Variants in NARS1 observed in about 807,000 individuals in gnomAD.
NARS1 encodes asparaginyl-tRNA synthetase 1, also known as asparagine--tRNA ligase, cytoplasmic.
NARS1 carries 65 observed loss-of-function variants against 79.2 expected under a neutral mutation model. The ratio of observed to expected loss-of-function variants is 0.82; its 90% confidence interval spans 0.67 to 1.01. NARS1 has a LOEUF of 1.01. Among genes scored for constraint, NARS1 ranks in the 50% least tolerant of loss-of-function variants. The probability of loss-of-function intolerance (pLI) is 0.00; values close to 1 mark genes in which losing one functional copy is unlikely to be tolerated. For missense variants in NARS1, 649 were observed against 673.8 expected (o/e 0.96, Z 0.41); for synonymous variants, 229 against 238.8 (o/e 0.96, Z 0.38).
intron 7 of NARS1, among the ~76,000 whole-genome samples, chr18:57,608,252 C>A (rs922552260): frequency 6.6e-6 from 1 of 151,700 alleles, no homozygotes; most frequent in African/African-American, 2.4e-5. Context: ...AAATCAAGAC[C>A]ATCCTGGCCA....
chr18:57,608,889 G>C (rs1311430490), intron 7 of NARS1, among the ~76,000 whole-genome samples: 2 of 152,184 alleles, frequency 1.3e-5, no homozygotes, highest in Non-Finnish European at 2.9e-5. Flanking sequence ...CTACCAGCCT[G>C]GCTAGAAAAA....
chr18:57,615,227 G>A (rs1318064896), intron 4 of NARS1, among the ~76,000 whole-genome samples: 1 of 151,632 alleles, frequency 6.6e-6, no homozygotes, highest in Non-Finnish European at 1.5e-5. Context: ...AGTAGGCCGG[G>A]CGCAGTGGCT....
rs376299423 is a variant in NARS1, at chr18:57,615,874, G to A, written c.195C>T (p.Asn65=). 1.9e-6 allele frequency: 3 copies of A among 1,613,344 alleles called. No homozygotes were observed. The highest frequency in any genetic ancestry group is 2.5e-6 in the Non-Finnish European group (3 of 1,179,748). ...WNVISKSQLK[N]IKKMWHREQM... is the part of the protein sequence containing the mutation. ...GTTCCCTATGCCACATCTTTTTAAT[G>A]TTCTTCAACTGTGATTTAGAAATAA... Residue 65 remains asparagine, a synonymous_variant, in exon 3 of 14, where the codon AAC becomes AAT. Coordinates refer to ENST00000256854, the MANE Select transcript of NARS1 (RefSeq NM_004539.4).
intron 6 of NARS1, 61 bp from the exon 7 acceptor site, chr18:57,609,504 A>G: frequency 7.5e-7 from 1 of 1,336,492 alleles, no homozygotes; most frequent in African/African-American, 1.4e-5. Context: ...TCTACCATAT[A>G]GAAAGTTAAA....
At chr18:57,602,733 A>G in intron 12 of NARS1, 79 bp downstream of exon 12, 1 of 1,492,348 alleles carries the variant, frequency 6.7e-7, no homozygotes, top group African/African-American at 1.4e-5. Context: ...ATTTGGCATG[A>G]GCTGTACCTG....
At chr18:57,620,898 T>C (rs747998245) in intron 1 of NARS1, among the ~76,000 whole-genome samples, 16 of 152,246 alleles carry the variant, frequency 1.1e-4, no homozygotes, top group African/African-American at 2.9e-4. Flanking sequence ...ATTTATTCTA[T>C]CTAATTGGGC....
In NARS1 at chr18:57,615,833, G is replaced by A; in HGVS notation, c.236C>T (p.Ser79Phe). ...AGGACTCACCTCTTTCTTTTCCCGG[G>A]ATTCACTCTTCATTTGTTCCCTATG... ...MWHREQMKSE[S>F]REKKEAEDSL... The change falls in exon 3 of 14, where the codon TCC becomes TTC. Residue 79 changes from serine (S) to phenylalanine (F), a missense_variant. Coordinates refer to ENST00000256854, the MANE Select transcript of NARS1 (RefSeq NM_004539.4). The A allele has an allele frequency of 6.2e-7, 1 of 1,612,222 alleles. No homozygotes were observed. The highest frequency in any genetic ancestry group is 8.5e-7 in the Non-Finnish European group (1 of 1,179,458).
chr18:57,606,896 C>G, intron 9 of NARS1, 145 bp from the exon 10 acceptor site: 1 of 1,040,598 alleles, frequency 9.6e-7, no homozygotes, highest in East Asian at 2.5e-5. Flanking sequence ...GGACTCCCCT[C>G]TTCTCCACTG....
At chr18:57,620,473 C>A in intron 2 of NARS1, 96 bp downstream of exon 2, 1 of 779,508 alleles carries the variant, frequency 1.3e-6, no homozygotes, top group Non-Finnish European at 2.2e-6. Flanking sequence ...TCTTTGGAAC[C>A]TAGTGTTTGA....
chr18:57,601,806 A>G, intron 13 of NARS1, 23 bp from the exon 14 acceptor site: 4 of 1,609,798 alleles, frequency 2.5e-6, no homozygotes, highest in Non-Finnish European at 3.4e-6. Context: ...AGAAAGAAAG[A>G]AAGAGGAGTA....
intron 7 of NARS1, among the ~76,000 whole-genome samples, chr18:57,609,124 C>G (rs1185399580): frequency 6.6e-6 from 1 of 152,188 alleles, no homozygotes; most frequent in African/African-American, 2.4e-5. Flanking sequence ...TTGGACTCAG[C>G]CACTACTGGC....
Position 57,607,646 on chromosome 18 carries a change from A to T in NARS1, c.599T>A (p.Leu200Gln). 1.9e-6 allele frequency: 3 copies of T among 1,613,174 alleles called. No individual in the cohort carries two copies. The highest frequency in any genetic ancestry group is 2.5e-6 in the Non-Finnish European group (3 of 1,179,236). Residue 200 changes from leucine to glutamine, a missense_variant, in exon 8 of 14, where the codon CTG (leucine) becomes CAG (glutamine). Leu to Gln is a moderately radical substitution (Grantham distance 113). Transcript: ENST00000256854. ...AATTAGTTCCCAGAAGTCACAACTC[A>T]GCTCATGGCCACCTGGAGCCTGCAT... is the stretch of plus-strand genomic sequence containing the variant. Reference protein sequence around the residue: ...KGKQAPGGHELSCDFWELIGL... With the variant: ...KGKQAPGGHEQSCDFWELIGL...
rs778758664 is a variant in NARS1, at chr18:57,601,650, G to A, written c.*2C>T. The A allele has an allele frequency of 6.2e-7, 1 of 1,613,364 alleles. No homozygotes were observed. The highest frequency in any genetic ancestry group is 1.3e-5 in the African/African-American group (1 of 74,904). On this transcript the variant is annotated 3_prime_UTR_variant, in exon 14 of 14. Coordinates refer to ENST00000256854, the MANE Select transcript of NARS1 (RefSeq NM_004539.4). ...TTTCCTCCACGCTTCTGGAGAAAAT[G>A]GTTATGGCGTGCAACGCTGGACAAA...
rs1308043679 is a variant in NARS1 at position 57,601,445 on chromosome 18, A to T, written c.*207T>A. 2.2e-6 allele frequency: 1 copy of T among 447,162 alleles called. No individual in the cohort carries two copies. Among genetic ancestry groups the T allele is most frequent in the African/African-American group, 2.0e-5 (1 of 50,624 alleles). The allele number at this position is 447,162 out of a possible 1,614,324, so 27.7% of individuals were successfully genotyped here. A position where few individuals can be genotyped will look rare whatever the true frequency, so the allele number is the denominator to read the frequency against. ...CCCCGAACTTTGTTTCCCGAACTTA[A>T]GAAAAAAATGGATATTTTTTCTTAA... is the stretch of plus-strand genomic sequence containing the variant. On this transcript the variant is annotated 3_prime_UTR_variant, in exon 14 of 14. Transcript: ENST00000256854.
rs745983917 is a variant in NARS1, at chr18:57,607,600, T to A, written c.645A>T (p.Gly215=). 5 of 1,613,998 alleles carry A rather than the reference T, an allele frequency of 3.1e-6. No individual in the cohort carries two copies. The highest frequency in any genetic ancestry group is 4.2e-6 in the Non-Finnish European group (5 of 1,180,004). Residue 215 remains glycine, a synonymous_variant, in exon 8 of 14, where the codon GGA becomes GGT. Transcript: ENST00000256854. The part of the protein sequence containing the change: ...WELIGLAPAG[G]ADNLINEESD... ...ACTCCTCATTGATCAGGTTGTCAGCTCCTCCAGCAGGGGCCAACCCAATTA... is the reference window on the plus strand; with the variant it reads ...ACTCCTCATTGATCAGGTTGTCAGCACCTCCAGCAGGGGCCAACCCAATTA...
intron 11 of NARS1, among the ~76,000 whole-genome samples, chr18:57,604,652 A>G (rs11660269): frequency 0.5 from 76,498 of 151,908 alleles, 19,578 homozygotes; most frequent in Admixed American, 0.56. Context: ...TACTTTGGAA[A>G]GCTGGGGTGG....
At chr18:57,605,731 C>T (rs950169398) in intron 11 of NARS1, 126 bp downstream of exon 11, 5 of 653,676 alleles carry the variant, frequency 7.6e-6, no homozygotes, top group South Asian at 5.8e-5. Context: ...ACCCAAGAAG[C>T]AGGTCCTGCT....
At chr18:57,614,345 A>G (rs371940798) in intron 4 of NARS1, among the ~76,000 whole-genome samples, 8 of 152,200 alleles carry the variant, frequency 5.3e-5, no homozygotes, top group Middle Eastern at 3.4e-3. Flanking sequence ...TACTAAAAAT[A>G]CAAAAATTAG....
At chr18:57,603,563 G>A (rs547209828) in intron 11 of NARS1, among the ~76,000 whole-genome samples, 2 of 152,160 alleles carry the variant, frequency 1.3e-5, no homozygotes, top group Non-Finnish European at 2.9e-5. Flanking sequence ...TGACTTAAGC[G>A]CATCAGTTTC....
Sources: allele counts gnomAD v4.1 joint callset (sites outside exome capture counted in the v4.1 genomes callset), GRCh38; gene constraint gnomAD v4.1.1; transcripts MANE v1.5; gene names NCBI Gene and HGNC (gene_info 2026-07-23, HGNC 2026-07-21).